Variants in PDE4D observed in about 807,000 individuals in gnomAD.
PDE4D encodes the protein 3',5'-cyclic-AMP phosphodiesterase 4D.
A neutral mutation model predicts 87.4 loss-of-function variants in PDE4D; 24 were observed. The observed-to-expected ratio is 0.27, with a 90% confidence interval of 0.20 to 0.39. PDE4D has a LOEUF of 0.39. Among genes scored for constraint, PDE4D ranks in the 10% least tolerant of loss-of-function variants. The probability of loss-of-function intolerance (pLI) is 1.00; values close to 1 mark genes in which losing one functional copy is unlikely to be tolerated. For synonymous variants in PDE4D, 384 were observed against 383.2 expected (o/e 1.00, Z -0.02); for missense variants, 714 against 1,041.0 (o/e 0.69, Z 4.32).
intron 1 of PDE4D, among the ~76,000 whole-genome samples, chr5:60,318,806 A>G (rs947283111): frequency 3.9e-5 from 6 of 152,094 alleles, no homozygotes; most frequent in African/African-American, 1.4e-4. Flanking sequence ...AATGTTGAAT[A>G]TTGGCCCCCA....
intron 1 of PDE4D, among the ~76,000 whole-genome samples, chr5:60,298,996 A>G (rs1753660462): frequency 6.6e-6 from 1 of 152,260 alleles, no homozygotes. Flanking sequence ...AAAAGGAAGA[A>G]AGGAAACAAT....
intron 1 of PDE4D, among the ~76,000 whole-genome samples, chr5:59,389,260 T>G (rs1253388598): frequency 6.6e-6 from 1 of 152,042 alleles, no homozygotes; most frequent in Non-Finnish European, 1.5e-5. Context: ...AAGTATGTCA[T>G]GTTTATGATA....
At chr5:60,500,493 G>A (rs1750020645) in intron 1 of PDE4D, among the ~76,000 whole-genome samples, 1 of 152,090 alleles carries the variant, frequency 6.6e-6, no homozygotes, top group Admixed American at 6.6e-5. Flanking sequence ...ATATCTATAA[G>A]GAACTTGGTA....
intron 3 of PDE4D, among the ~76,000 whole-genome samples, chr5:59,188,681 C>G (rs1003158992): frequency 6.6e-6 from 1 of 152,100 alleles, no homozygotes; most frequent in African/African-American, 2.4e-5. Context: ...AAGCGGCGAC[C>G]CGCACTGGGA....
At chr5:59,144,709 T>C (rs1219238428) in intron 5 of PDE4D, among the ~76,000 whole-genome samples, 2 of 152,178 alleles carry the variant, frequency 1.3e-5, no homozygotes, top group African/African-American at 4.8e-5. Flanking sequence ...TTGCAGGAGC[T>C]TGCAATCAAG....
intron 1 of PDE4D, among the ~76,000 whole-genome samples, chr5:59,450,856 G>C (rs1358399517): frequency 6.6e-6 from 1 of 151,998 alleles, no homozygotes; most frequent in Non-Finnish European, 1.5e-5. Flanking sequence ...CTGATACGCA[G>C]CTTCATCCAT....
intron 1 of PDE4D, among the ~76,000 whole-genome samples, chr5:59,743,574 A>C (rs117181145): frequency 6.6e-6 from 1 of 152,160 alleles, no homozygotes; most frequent in Non-Finnish European, 1.5e-5. Context: ...ACCCTCGTGC[A>C]CTGTTGATAG....
intron 1 of PDE4D, among the ~76,000 whole-genome samples, chr5:59,756,923 G>A (rs915316135): frequency 2.7e-5 from 4 of 148,550 alleles, no homozygotes; most frequent in African/African-American, 7.5e-5. Context: ...TCAGCCTCCC[G>A]AGTAGCTCGG....
At chr5:60,041,805 T>A (rs1457317267) in intron 2 of PDE4D, among the ~76,000 whole-genome samples, 1 of 152,142 alleles carries the variant, frequency 6.6e-6, no homozygotes, top group African/African-American at 2.4e-5. Flanking sequence ...CTTTGCAACC[T>A]GCAGACCAGG....
intron 1 of PDE4D, among the ~76,000 whole-genome samples, chr5:59,216,188 A>G (rs1751218576): frequency 6.6e-6 from 1 of 152,248 alleles, no homozygotes; most frequent in Non-Finnish European, 1.5e-5. Context: ...AACTGACCAG[A>G]TACAAGATAC....
Position 59,566,821 on chromosome 5 carries a change from C to T in PDE4D, c.455+326347G>A, listed in dbSNP as rs549862310. 2.0e-5 allele frequency among the ~76,000 whole-genome samples: 3 copies of T among 151,996 alleles called. No individual in the cohort carries two copies. The East Asian group carries it at 5.8e-4, about 30-fold the overall frequency. On this transcript the variant is annotated intron_variant, in intron 1 of 14. Coordinates refer to ENST00000340635, the MANE Select transcript of PDE4D (RefSeq NM_001104631.2). ...AGGATGCCAACTTAATCTATTTTGG[C>T]CATTTTGTCTACCCTAAGTATTATG...
intron 5 of PDE4D, among the ~76,000 whole-genome samples, chr5:59,097,560 C>T (rs1408709211): frequency 6.6e-6 from 1 of 152,154 alleles, no homozygotes; most frequent in Non-Finnish European, 1.5e-5. Context: ...CAAACAGAAA[C>T]ATTGAAGCAA....
intron 1 of PDE4D, among the ~76,000 whole-genome samples, chr5:59,481,025 C>G (rs1804157589): frequency 1.3e-5 from 2 of 152,126 alleles, no homozygotes; most frequent in Admixed American, 6.6e-5. Context: ...CTCTTTGTCT[C>G]TATTTGCAGT....
In PDE4D at chr5:59,449,677, A is replaced by AT. The variant is rs946716077; in HGVS notation, c.456-233710dup. 2.6e-5 allele frequency among the ~76,000 whole-genome samples: 4 copies of AT among 152,158 alleles called. No individual in the cohort carries two copies. In the South Asian group the frequency reaches 6.2e-4, roughly 24 times the overall value. On this transcript the variant is annotated intron_variant, in intron 1 of 14. Coordinates refer to ENST00000340635, the MANE Select transcript of PDE4D (RefSeq NM_001104631.2). Reference sequence around the variant, plus strand: ...TGTTTTCAGCACGTTAAAAATGCCTATATTCTAACATTGGTTAAATTATGT... The same window carrying AT: ...TGTTTTCAGCACGTTAAAAATGCCTATTATTCTAACATTGGTTAAATTATGT...
chr5:59,598,030 T>A (rs1408096550), intron 1 of PDE4D, among the ~76,000 whole-genome samples: 1 of 152,072 alleles, frequency 6.6e-6, no homozygotes, highest in East Asian at 1.9e-4. Flanking sequence ...AAGCAAAACA[T>A]GAACAATACA....
intron 1 of PDE4D, among the ~76,000 whole-genome samples, chr5:59,809,930 G>T (rs2152677553): frequency 6.6e-6 from 1 of 152,220 alleles, no homozygotes; most frequent in South Asian, 2.1e-4. Flanking sequence ...TTATTGCATC[G>T]TTTATTATTA....
intron 3 of PDE4D, among the ~76,000 whole-genome samples, chr5:59,966,332 C>T (rs1303388482): frequency 6.6e-6 from 1 of 152,112 alleles, no homozygotes; most frequent in Non-Finnish European, 1.5e-5. Context: ...GAAAGACAAA[C>T]TCCAGGAGGG....
chr5:59,174,892 G>A (rs981532375), intron 5 of PDE4D, among the ~76,000 whole-genome samples: 1 of 152,066 alleles, frequency 6.6e-6, no homozygotes, highest in South Asian at 2.1e-4. Context: ...ATTTAAATAC[G>A]TTTTCTTTAG....
chr5:59,420,114 G>A lies in PDE4D; in HGVS notation c.456-204146C>T, dbSNP rs1397940560. Among the ~76,000 whole-genome samples, 23 of 152,148 alleles carry A rather than the reference G, an allele frequency of 1.5e-4. 1 individual carries two copies. Among genetic ancestry groups the A allele is most frequent in the Admixed American group, 1.5e-3 (23 of 15,280 alleles). On this transcript the variant is annotated intron_variant, in intron 1 of 14. Transcript: ENST00000340635. ...CGTGTATTTGAATTTGCATCGGTAA[G>A]TCCTTGGATGGTGAAACTGTACTGA...
Sources: gnomAD v4.1 joint callset for allele counts (sites outside exome capture counted in the v4.1 genomes callset) on GRCh38, gnomAD v4.1.1 for gene constraint, MANE v1.5 for transcripts, NCBI Gene and HGNC (gene_info 2026-07-23, HGNC 2026-07-21) for gene names.